SLC18A2: variants seen among roughly 807,000 people sequenced by gnomAD.
The protein encoded by SLC18A2 is solute carrier family 18 member A2, also known as synaptic vesicular amine transporter.
A neutral mutation model predicts 59.2 loss-of-function variants in SLC18A2; 33 were observed. The ratio of observed to expected loss-of-function variants is 0.56; its 90% CI spans 0.42 to 0.75. The LOEUF (loss-of-function observed/expected upper bound fraction) is 0.75, where lower values mean the gene tolerates loss of function less well. Among genes scored for constraint, SLC18A2 ranks in the 30% least tolerant of loss-of-function variants. The pLI is 0.00. For missense variants in SLC18A2, 569 were observed against 668.6 expected, an observed-to-expected ratio of 0.85 and a Z score of 1.64; for synonymous variants, 228 against 253.5, an observed-to-expected ratio of 0.90 and a Z score of 0.95.
chr10:117,241,283 G>A lies in SLC18A2; in HGVS notation c.-16+63G>A, dbSNP rs548627248. 1.9e-5 allele frequency: 3 copies of A among 160,784 alleles called. No individual in the cohort carries two copies. In the East Asian group the frequency reaches 5.7e-4, roughly 30 times the overall value. 10.0% of individuals were successfully genotyped at this position (160,784 alleles called of 1,614,324 possible). ...GCCGGAGGGGAGCGGGCCCGGGGGAGGCAGGGAGGCAGGGAGGCCCCCAGA... is the reference window on the plus strand; with the variant it reads ...GCCGGAGGGGAGCGGGCCCGGGGGAAGCAGGGAGGCAGGGAGGCCCCCAGA... On this transcript the variant is annotated intron_variant, in intron 1 of 15. Transcript: ENST00000644641.
At chr10:117,271,454 C>G (rs148562831) in intron 15 of SLC18A2, among the ~76,000 whole-genome samples, 3 of 152,304 alleles carry the variant, frequency 2.0e-5, no homozygotes, top group Admixed American at 1.3e-4. Context: ...TTATGTGCAG[C>G]CTGTGTTTGT....
chr10:117,268,303 T>C (rs1651591903), intron 13 of SLC18A2: 1 of 153,202 alleles, frequency 6.5e-6, no homozygotes, highest in South Asian at 2.0e-4. Flanking sequence ...AAATAAGTGC[T>C]CAGTCCACCC....
Position 117,279,250 on chromosome 10 carries a change from G to A in SLC18A2, c.*1984G>A, listed in dbSNP as rs937354611. ...GTGTTTTTTTAAAATGTACATACCA[G>A]AACAAAGAACATACAGCTCTCTGAA... On this transcript the variant is annotated 3_prime_UTR_variant, in exon 16 of 16. Transcript: ENST00000644641. 6.6e-6 allele frequency: 1 copy of A among 152,116 alleles called. No individual in the cohort carries two copies. Among genetic ancestry groups the A allele is most frequent in the African/African-American group, 2.4e-5 (1 of 41,402 alleles). The allele number at this position is 152,116 out of a possible 1,614,324, so 9.4% of individuals were successfully genotyped here.
chr10:117,244,440 A>T (rs1844089681), intron 3 of SLC18A2, 127 bp downstream of exon 3: 4 of 805,100 alleles, frequency 5.0e-6, no homozygotes, highest in Admixed American at 5.4e-5. Flanking sequence ...AGCTGGGGAA[A>T]ACCCAGTCCC....
At chr10:117,275,297 C>G (rs1844473311) in intron 15 of SLC18A2, among the ~76,000 whole-genome samples, 1 of 142,516 alleles carries the variant, frequency 7.0e-6, no homozygotes, top group African/African-American at 2.6e-5. Context: ...TCACATGTTA[C>G]ACAGATCACT....
rs149663560 is a variant in SLC18A2 at position 117,264,048 on chromosome 10, A to T, written c.992-2685A>T. On this transcript the variant is annotated intron_variant, in intron 10 of 15. Transcript: ENST00000644641. ...GGAGGAAACCCAAGGTCTCATTTCCACCTTTGCTTCCGGGGCTGGATGGCC... is the reference window on the plus strand; with the variant it reads ...GGAGGAAACCCAAGGTCTCATTTCCTCCTTTGCTTCCGGGGCTGGATGGCC... Among the ~76,000 whole-genome samples, 71 of 152,046 alleles carry T rather than the reference A, an allele frequency of 4.7e-4. 1 individual carries two copies. The highest frequency in any genetic ancestry group is 7.7e-4 in the East Asian group (4 of 5,162).
At chr10:117,257,655 T>C (rs1346706620) in intron 9 of SLC18A2, 142 bp from the exon 10 acceptor site, 1 of 460,212 alleles carries the variant, frequency 2.2e-6, no homozygotes, top group Non-Finnish European at 3.9e-6. Context: ...CAGCCTTTGC[T>C]GTCCCCTTGA....
At chr10:117,241,913 G>A (rs1844060161) in intron 2 of SLC18A2, 99 bp downstream of exon 2, 4 of 1,234,824 alleles carry the variant, frequency 3.2e-6, no homozygotes, top group East Asian at 5.8e-5. Flanking sequence ...CTCCGCCAAG[G>A]CCCGGGAAAG....
chr10:117,277,258 A>G lies in SLC18A2; in HGVS notation c.1537A>G (p.Ser513Gly), dbSNP rs778149192. 2.8e-5 allele frequency: 45 copies of G among 1,587,726 alleles called. No individual in the cohort carries two copies. Among genetic ancestry groups the G allele is most frequent in the Non-Finnish European group, 3.8e-5 (44 of 1,158,196 alleles). Reference protein sequence around the residue: ...YPIGEDEESESD With the variant: ...YPIGEDEESEGD ...GATAGGTGAAGATGAAGAATCTGAAAGTGACTGAGATGAGATCCTCAAAAA... is the reference window on the plus strand; with the variant it reads ...GATAGGTGAAGATGAAGAATCTGAAGGTGACTGAGATGAGATCCTCAAAAA... The change falls in exon 16 of 16, where the codon AGT becomes GGT. Residue 513 changes from serine to glycine, a missense_variant. This residue lies in a region of SLC18A2 where 192 missense variants were observed against 278.8 expected (regional missense o/e 0.69). Coordinates refer to ENST00000644641, the MANE Select transcript of SLC18A2 (RefSeq NM_003054.6).
At chr10:117,259,325 C>T (rs1264035592) in intron 10 of SLC18A2, among the ~76,000 whole-genome samples, 2 of 152,164 alleles carry the variant, frequency 1.3e-5, no homozygotes, top group Non-Finnish European at 2.9e-5. Context: ...TCTCCAATTG[C>T]AGTCAAGTGT....
chr10:117,244,244 G>A lies in SLC18A2; in HGVS notation c.395G>A (p.Gly132Asp). The change falls in exon 3 of 16, where the codon GGT (glycine) becomes GAT (aspartate). Residue 132 changes from glycine to aspartate, a missense_variant. Physicochemically the swap from Gly to Asp is moderately conservative, Grantham distance 94. Transcript: ENST00000644641. ...CTCCTGAATGAAAACGTGCAAGTTGGTCTGTTGTTTGCCTCGAAAGCCACC... is the reference window on the plus strand; with the variant it reads ...CTCCTGAATGAAAACGTGCAAGTTGATCTGTTGTTTGCCTCGAAAGCCACC... ...KDLLNENVQV[G>D]LLFASKATVQ... 1 of 1,614,232 alleles carries A rather than the reference G, an allele frequency of 6.2e-7. No individual in the cohort carries two copies.
intron 14 of SLC18A2, 68 bp downstream of exon 14, chr10:117,270,258 G>A (rs1844410372): frequency 4.3e-6 from 7 of 1,612,970 alleles, no homozygotes; most frequent in Non-Finnish European, 5.9e-6. Flanking sequence ...TACTAAAATT[G>A]TTTAAATCTT....
chr10:117,276,726 A>G (rs1202770180), intron 15 of SLC18A2, among the ~76,000 whole-genome samples: 3 of 152,022 alleles, frequency 2.0e-5, no homozygotes, highest in African/African-American at 7.2e-5. Flanking sequence ...TACATTTCTC[A>G]CATGTGAGGG....
In SLC18A2 at chr10:117,244,246, C is replaced by T. The variant is rs760912626; in HGVS notation, c.397C>T (p.Leu133=). The T allele has an allele frequency of 5.0e-6, 8 of 1,614,226 alleles. 1 individual carries two copies. The South Asian group carries it at 8.8e-5, about 18-fold the overall frequency. The change falls in exon 3 of 16, where the codon CTG becomes TTG. Residue 133 remains leucine, a synonymous_variant. Transcript: ENST00000644641. ...DLLNENVQVG[L]LFASKATVQL... ...CCTGAATGAAAACGTGCAAGTTGGTCTGTTGTTTGCCTCGAAAGCCACCGT... is the reference window on the plus strand; with the variant it reads ...CCTGAATGAAAACGTGCAAGTTGGTTTGTTGTTTGCCTCGAAAGCCACCGT...
intron 3 of SLC18A2, among the ~76,000 whole-genome samples, chr10:117,248,544 A>G (rs1034365525): frequency 2.6e-5 from 4 of 152,194 alleles, no homozygotes; most frequent in Non-Finnish European, 4.4e-5. Context: ...CTTGCCTCCT[A>G]TTTTATAATT....
Position 117,255,714 on chromosome 10 carries a change from G to C in SLC18A2, c.895+57G>C, listed in dbSNP as rs375536710. The C allele has an allele frequency of 1.1e-5, 17 of 1,533,006 alleles. No individual in the cohort carries two copies. In the African/African-American group the frequency reaches 1.2e-4, roughly 11 times the overall value. The allele number at this position is 1,533,006 out of a possible 1,614,324, so 95.0% of individuals were successfully genotyped here. A position where few individuals can be genotyped will look rare whatever the true frequency, so the allele number is the denominator to read the frequency against. ...AATGCGAGGTGATGGCCGCGTGCTG[G>C]AGGCAGGGGTGGATGGCCAGGGCTG... On this transcript the variant is annotated intron_variant, in intron 9 of 15. Transcript: ENST00000644641.
In SLC18A2 at chr10:117,259,281, A is replaced by G. The variant is rs1207642300; in HGVS notation, c.991+1389A>G. ...AATGTTTTATGTAGTGTTTATGAAT[A>G]TATCCACCAAAGTTTCTGGCAAAGA... On this transcript the variant is annotated intron_variant, in intron 10 of 15. Coordinates refer to ENST00000644641, the MANE Select transcript of SLC18A2 (RefSeq NM_003054.6). 2.0e-5 allele frequency among the ~76,000 whole-genome samples: 3 copies of G among 152,328 alleles called. No individual in the cohort carries two copies. In the East Asian group the frequency reaches 5.8e-4, roughly 29 times the overall value.
chr10:117,257,800 C>G lies in SLC18A2; in HGVS notation c.899C>G (p.Ser300Cys), dbSNP rs200139215. Residue 300 changes from serine to cysteine, a missense_variant, in exon 10 of 16, where the codon TCC (serine) becomes TGC (cysteine). Physicochemically the swap from Ser to Cys is moderately radical, Grantham distance 112. Around this residue, in one of 2 missense-constraint regions of SLC18A2, gnomAD observed 377 missense variants for 389.8 expected, o/e 0.97. Transcript: ENST00000644641. ...KDPYILIAAG[S>C]ICFANMGIAM... ...AAAGCCCTTTCCTCCCTTACAGGCT[C>G]CATCTGCTTTGCAAACATGGGCATC... 3.9e-5 allele frequency: 62 copies of G among 1,603,010 alleles called. No homozygotes were observed. The East Asian group carries it at 1.1e-3, about 30-fold the overall frequency.
At chr10:117,267,880 C>A in intron 13 of SLC18A2, 144 bp downstream of exon 13, 1 of 544,554 alleles carries the variant, frequency 1.8e-6, no homozygotes. Context: ...AAATTACAGC[C>A]TGTCGATTCT....
Sources: allele counts gnomAD v4.1 joint callset (sites outside exome capture counted in the v4.1 genomes callset), GRCh38; gene constraint gnomAD v4.1.1; regional missense constraint gnomAD v4.1.1; transcripts MANE v1.5; gene names NCBI Gene and HGNC (gene_info 2026-07-23, HGNC 2026-07-21).